CCDC170: variants seen among roughly 807,000 people sequenced by gnomAD.
CCDC170 encodes coiled-coil domain-containing protein 170.
A neutral mutation model predicts 72.6 loss-of-function variants in CCDC170; 69 were observed. The ratio of observed to expected loss-of-function variants is 0.95; its 90% CI spans 0.78 to 1.16. CCDC170 has a LOEUF of 1.16. CCDC170 is among the 50% of genes most tolerant of loss of function. CCDC170 has a pLI of 0.00. For synonymous variants in CCDC170, 300 were observed against 303.9 expected, an observed-to-expected ratio of 0.99 and a Z score of 0.13; for missense variants, 852 against 832.5, an observed-to-expected ratio of 1.02 and a Z score of -0.29.
chr6:151,525,700 T>A (rs1782393700), intron 1 of CCDC170, among the ~76,000 whole-genome samples: 1 of 152,158 alleles, frequency 6.6e-6, no homozygotes, highest in Non-Finnish European at 1.5e-5. Context: ...TGCACCCAGG[T>A]GATTAAAAAG....
intron 1 of CCDC170, among the ~76,000 whole-genome samples, chr6:151,518,473 G>C (rs1048875583): frequency 2.0e-5 from 3 of 152,138 alleles, no homozygotes; most frequent in Non-Finnish European, 4.4e-5. Flanking sequence ...CTTGGATCTT[G>C]TTCAAGAAAG....
chr6:151,551,889 G>T (rs9397425), intron 5 of CCDC170, among the ~76,000 whole-genome samples: 21,989 of 152,088 alleles, frequency 0.14, 2,104 homozygotes, highest in East Asian at 0.5. Flanking sequence ...ACCAAGTTTG[G>T]CTTAGCTAAT....
At chr6:151,572,649 G>GTGTTTTTTTTTTTTTTTT (rs1776234883) in intron 5 of CCDC170, among the ~76,000 whole-genome samples, 2 of 37,988 alleles carry the variant, frequency 5.3e-5, no homozygotes, top group African/African-American at 1.2e-4. Flanking sequence ...CCTTCTCTGT[G>GTGTTTTTTTTTTTTTTTT]TTTTTTTTTT....
chr6:151,518,926 G>A (rs1050203270), intron 1 of CCDC170, among the ~76,000 whole-genome samples: 1 of 152,186 alleles, frequency 6.6e-6, no homozygotes, highest in African/African-American at 2.4e-5. Context: ...TGCTTCTGAA[G>A]CCAATAAAGA....
rs3834321 is a variant in CCDC170, at chr6:151,596,303, TA to T, written c.1468-22del. 3.1e-3 allele frequency: 4,402 copies of T among 1,416,280 alleles called. 67 individuals are homozygous for T. In the East Asian group the frequency reaches 0.058, roughly 19 times the overall value. The allele number at this position is 1,416,280 out of a possible 1,614,324, so 87.7% of individuals were successfully genotyped here. A position where few individuals can be genotyped will look rare whatever the true frequency, so the allele number is the denominator to read the frequency against. Reference sequence around the variant, plus strand: ...TTTATATTTACTATTGTTCAATTATTAAAAAAAAAATCCCTGTTTGCATCAA... The same window carrying T: ...TTTATATTTACTATTGTTCAATTATTAAAAAAAAATCCCTGTTTGCATCAA... On this transcript the variant is annotated intron_variant, in intron 8 of 10. Transcript: ENST00000239374.
intron 1 of CCDC170, among the ~76,000 whole-genome samples, chr6:151,533,231 T>G (rs1412646348): frequency 6.6e-6 from 1 of 151,652 alleles, no homozygotes; most frequent in Admixed American, 6.6e-5. Flanking sequence ...TTTTTTTTTA[T>G]TTTTAGTAGA....
chr6:151,585,832 G>A, intron 6 of CCDC170, 57 bp from the exon 7 acceptor site: 1 of 1,536,294 alleles, frequency 6.5e-7, no homozygotes, highest in Non-Finnish European at 8.9e-7. Flanking sequence ...CAGTAGATGT[G>A]AACACTTCCT....
rs1776624670 is a variant in CCDC170, at chr6:151,596,420, A to G, written c.1553A>G (p.Lys518Arg). ...AAAATAGCCCAGCTGGAGGAGGAGAAGCAGGCACGCACGGCCTTGGTGGTT... is the reference window on the plus strand; with the variant it reads ...AAAATAGCCCAGCTGGAGGAGGAGAGGCAGGCACGCACGGCCTTGGTGGTT... The part of the protein sequence containing the change: ...RQKIAQLEEE[K>R]QARTALVVER... Residue 518 changes from lysine to arginine, a missense_variant, in exon 9 of 11, where the codon AAG becomes AGG. Transcript: ENST00000239374. 1.2e-6 allele frequency: 2 copies of G among 1,614,170 alleles called. No individual in the cohort carries two copies. The highest frequency in any genetic ancestry group is 1.7e-6 in the Non-Finnish European group (2 of 1,180,020).
chr6:151,603,944 C>T (rs954959044), intron 9 of CCDC170, among the ~76,000 whole-genome samples: 1 of 152,150 alleles, frequency 6.6e-6, no homozygotes, highest in East Asian at 1.9e-4. Flanking sequence ...GGTCTTTATT[C>T]TGTACAGTAA....
At chr6:151,611,571 A>T (rs534927152) in intron 9 of CCDC170, among the ~76,000 whole-genome samples, 1 of 148,428 alleles carries the variant, frequency 6.7e-6, no homozygotes, top group East Asian at 2.0e-4. Context: ...AGCAACTTCC[A>T]GAGGTCCCAC....
chr6:151,551,313 G>T (rs9479068), intron 5 of CCDC170, among the ~76,000 whole-genome samples: 68,556 of 152,044 alleles, frequency 0.45, 18,110 homozygotes, highest in Non-Finnish European at 0.6. Flanking sequence ...CTGAGAATAA[G>T]GACATTGCCC....
chr6:151,542,422 A>G (rs566071575), intron 3 of CCDC170, among the ~76,000 whole-genome samples: 1 of 151,974 alleles, frequency 6.6e-6, no homozygotes, highest in African/African-American at 2.4e-5. Flanking sequence ...GCGTCTTGCC[A>G]TGTTGCCCAG....
At chr6:151,612,106 T>C (rs2115142286) in intron 9 of CCDC170, among the ~76,000 whole-genome samples, 1 of 152,318 alleles carries the variant, frequency 6.6e-6, no homozygotes, top group East Asian at 1.9e-4. Context: ...TCTGATTTTT[T>C]CCATCTGGAC....
chr6:151,599,397 G>GATCAAAC (rs1468263804), intron 9 of CCDC170, among the ~76,000 whole-genome samples: 1 of 152,182 alleles, frequency 6.6e-6, no homozygotes, highest in Non-Finnish European at 1.5e-5. Context: ...CATTGCTTCT[G>GATCAAAC]ATCAAACAAC....
At position 151,593,106 on chromosome 6, in the gene CCDC170, G is replaced by A. The variant is rs1254980599; in HGVS notation, c.1294-1G>A. On this transcript the variant is annotated splice_acceptor_variant, in intron 7 of 10. Transcript: ENST00000239374. LOFTEE classifies it high-confidence loss of function. The stretch of plus-strand genomic sequence containing the variant: ...ATTTTTGTTTCTGTTCTTGGGTTTA[G>A]TATCTTAAATTTCTGGATCAGCTTT... 1.2e-6 allele frequency: 2 copies of A among 1,614,098 alleles called. No individual in the cohort carries two copies. Among genetic ancestry groups the A allele is most frequent in the South Asian group, 2.2e-5 (2 of 91,076 alleles).
At chr6:151,586,880 G>C (rs1776458593) in intron 7 of CCDC170, among the ~76,000 whole-genome samples, 1 of 152,014 alleles carries the variant, frequency 6.6e-6, no homozygotes, top group Non-Finnish European at 1.5e-5. Context: ...TGCCTCCTGG[G>C]TTCACACCAT....
chr6:151,589,500 C>T (rs1776502797), intron 7 of CCDC170, among the ~76,000 whole-genome samples: 1 of 152,084 alleles, frequency 6.6e-6, no homozygotes, highest in Admixed American at 6.5e-5. Flanking sequence ...TTCAACACTT[C>T]CCTCTTTTTA....
intron 1 of CCDC170, among the ~76,000 whole-genome samples, chr6:151,526,475 C>G (rs376922573): frequency 6.6e-6 from 1 of 150,726 alleles, no homozygotes; most frequent in Non-Finnish European, 1.5e-5. Context: ...TTGCCTTGGC[C>G]TCCCATAGTA....
chr6:151,514,816 G>C (rs1407622036), intron 1 of CCDC170, among the ~76,000 whole-genome samples: 1 of 152,198 alleles, frequency 6.6e-6, no homozygotes, highest in African/African-American at 2.4e-5. Flanking sequence ...GCAGTGAGGA[G>C]CCTCTTGCTT....
Sources: allele counts gnomAD v4.1 joint callset (sites outside exome capture counted in the v4.1 genomes callset), GRCh38; gene constraint gnomAD v4.1.1; transcripts MANE v1.5; gene names NCBI Gene and HGNC (gene_info 2026-07-23, HGNC 2026-07-21).